Variants in LIN54 observed in about 807,000 individuals in gnomAD.
LIN54 encodes the protein lin-54 DREAM MuvB core complex component.
LIN54 carries 9 observed loss-of-function variants against 78.7 expected under a neutral mutation model. That is an observed-to-expected ratio of 0.11 (90% CI 0.07 to 0.20). The LOEUF is 0.20. Among genes scored for constraint, LIN54 ranks in the 10% least tolerant of loss-of-function variants. The pLI, the probability that LIN54 is intolerant of heterozygous loss-of-function variation, is 1.00. For synonymous variants in LIN54, 269 were observed against 318.4 expected (o/e 0.84, Z 1.65); for missense variants, 573 against 889.9 (o/e 0.64, Z 4.53).
At chr4:82,942,133 G>GT (rs60942635) in intron 5 of LIN54, among the ~76,000 whole-genome samples, 8 of 151,524 alleles carry the variant, frequency 5.3e-5, no homozygotes, top group African/African-American at 1.2e-4. Context: ...GATATCAGCA[G>GT]TTTTTTTTTG....
intron 8 of LIN54, among the ~76,000 whole-genome samples, chr4:82,937,604 AC>A (rs1423152315): frequency 6.6e-6 from 1 of 152,226 alleles, no homozygotes; most frequent in African/African-American, 2.4e-5. Context: ...CTGCTAAAGA[AC>A]ACTCCACAAA....
At chr4:83,010,444 T>G in intron 1 of LIN54, 40 bp downstream of exon 1, 1 of 356,790 alleles carries the variant, frequency 2.8e-6, no homozygotes, top group Non-Finnish European at 3.7e-6. Context: ...TAAAGAGATC[T>G]CCGGACAGAG....
At chr4:82,972,172 A>T (rs758799415) in intron 3 of LIN54, among the ~76,000 whole-genome samples, 2 of 152,054 alleles carry the variant, frequency 1.3e-5, no homozygotes, top group African/African-American at 2.4e-5. Flanking sequence ...CTCCCATCTC[A>T]GCCTCCTGAG....
intron 2 of LIN54, among the ~76,000 whole-genome samples, chr4:82,983,785 A>AAC: frequency 6.6e-6 from 1 of 152,132 alleles, no homozygotes; most frequent in African/African-American, 2.4e-5. Flanking sequence ...GCCATCTGTG[A>AAC]ACTGAAAAAA....
At chr4:82,948,960 G>C (rs56045926) in intron 4 of LIN54, among the ~76,000 whole-genome samples, 1,860 of 152,188 alleles carry the variant, frequency 0.012, 33 homozygotes, top group African/African-American at 0.043. Context: ...ATTGTGAATA[G>C]TGCTATAATA....
chr4:82,992,027 C>A (rs1300446162), intron 1 of LIN54, among the ~76,000 whole-genome samples: 1 of 152,106 alleles, frequency 6.6e-6, no homozygotes, highest in Non-Finnish European at 1.5e-5. Context: ...TGCACAGAAT[C>A]GTCTCTATTT....
At chr4:82,940,106 T>A (rs973092616) in intron 5 of LIN54, 144 bp from the exon 6 acceptor site, 1 of 650,424 alleles carries the variant, frequency 1.5e-6, no homozygotes, top group Admixed American at 3.1e-5. Context: ...CAATCTTTAA[T>A]CAGGATAGTT....
At chr4:82,950,210 G>T (rs1723748714) in intron 4 of LIN54, among the ~76,000 whole-genome samples, 1 of 152,030 alleles carries the variant, frequency 6.6e-6, no homozygotes, top group South Asian at 2.1e-4. Context: ...TTTTTGACGT[G>T]TTAGTCCATG....
Position 82,984,485 on chromosome 4 carries a change from T to C in LIN54, c.360A>G (p.Val120=), listed in dbSNP as rs1317510887. 2.5e-6 allele frequency: 4 copies of C among 1,614,230 alleles called. No homozygotes were observed. The highest frequency in any genetic ancestry group is 2.2e-5 in the East Asian group (1 of 44,896). Residue 120 remains valine (V), a synonymous_variant, in exon 2 of 13, where the codon GTA becomes GTG. Coordinates refer to ENST00000340417, the MANE Select transcript of LIN54 (RefSeq NM_194282.4). ...ISANQIILNK[V]SQTSDLKLGN... ...CAAGTTTAAGATCAGATGTCTGTGA[T>C]ACTTTGTTTAAAATAATCTGATTGG...
At chr4:82,943,515 T>A (rs1578508629) in intron 5 of LIN54, among the ~76,000 whole-genome samples, 2 of 152,180 alleles carry the variant, frequency 1.3e-5, no homozygotes, top group South Asian at 4.1e-4. Context: ...TAATAAAAAT[T>A]GTATTTAACT....
chr4:82,990,900 C>T (rs1443974025), intron 1 of LIN54, among the ~76,000 whole-genome samples: 3 of 152,142 alleles, frequency 2.0e-5, no homozygotes, highest in African/African-American at 7.2e-5. Context: ...GAGGGAGATG[C>T]TATATCATCC....
chr4:82,982,592 C>CAT (rs1726768644), intron 2 of LIN54, among the ~76,000 whole-genome samples: 4 of 151,990 alleles, frequency 2.6e-5, no homozygotes, highest in Non-Finnish European at 5.9e-5. Flanking sequence ...CTTTGGTAAA[C>CAT]CAATAAAAAC....
chr4:82,994,791 T>C (rs1284067347), intron 1 of LIN54, among the ~76,000 whole-genome samples: 1 of 152,208 alleles, frequency 6.6e-6, no homozygotes, highest in East Asian at 1.9e-4. Context: ...ATCTTTGATA[T>C]CCTTAATAAA....
At chr4:83,006,604 G>GAAA (rs11417655) in intron 1 of LIN54, among the ~76,000 whole-genome samples, 1 of 150,320 alleles carries the variant, frequency 6.7e-6, no homozygotes. Context: ...AATAAAAGCT[G>GAAA]AAAAAAAAAG....
chr4:83,010,562 G>C lies in LIN54; in HGVS notation c.-111C>G. On this transcript the variant is annotated 5_prime_UTR_variant, in exon 1 of 13. Coordinates refer to ENST00000340417, the MANE Select transcript of LIN54 (RefSeq NM_194282.4). ...AGGTCCTGGGCAATCCCGAGCCCCG[G>C]CGGGGCTTGTTTTGCCCGTGCACGA... The C allele has an allele frequency of 8.2e-7, 1 of 1,214,922 alleles. No homozygotes were observed. Among genetic ancestry groups the C allele is most frequent in the Non-Finnish European group, 1.0e-6 (1 of 977,522 alleles). 75.3% of individuals were successfully genotyped at this position (1,214,922 alleles called of 1,614,324 possible).
intron 1 of LIN54, among the ~76,000 whole-genome samples, chr4:83,000,409 A>T (rs1257485915): frequency 1.3e-5 from 2 of 152,164 alleles, no homozygotes; most frequent in Admixed American, 6.6e-5. Flanking sequence ...GAAAGGATAA[A>T]CACCAGCTGC....
At chr4:82,935,110 C>T (rs1221126426) in intron 11 of LIN54, among the ~76,000 whole-genome samples, 1 of 152,044 alleles carries the variant, frequency 6.6e-6, no homozygotes, top group African/African-American at 2.4e-5. Context: ...CCAGATCCCC[C>T]TTTCCTATTT....
intron 4 of LIN54, among the ~76,000 whole-genome samples, chr4:82,951,291 G>T (rs1297702748): frequency 6.6e-6 from 1 of 152,148 alleles, no homozygotes; most frequent in Non-Finnish European, 1.5e-5. Context: ...TATTACAAAA[G>T]AGGTATAAGC....
At chr4:83,002,160 T>C (rs968646723) in intron 1 of LIN54, among the ~76,000 whole-genome samples, 3 of 151,234 alleles carry the variant, frequency 2.0e-5, no homozygotes, top group African/African-American at 7.3e-5. Flanking sequence ...GCTTTTGAAA[T>C]TTTTTATGAC....
Sources: allele counts gnomAD v4.1 joint callset (sites outside exome capture counted in the v4.1 genomes callset), GRCh38; gene constraint gnomAD v4.1.1; transcripts MANE v1.5; gene names NCBI Gene and HGNC (gene_info 2026-07-23, HGNC 2026-07-21).